Variants in HS6ST3 observed in about 807,000 individuals in gnomAD.
The protein encoded by HS6ST3 is heparan sulfate 6-O-sulfotransferase 3, also known as heparan-sulfate 6-O-sulfotransferase 3.
A neutral mutation model predicts 36.7 loss-of-function variants in HS6ST3; 12 were observed. That is an observed-to-expected ratio of 0.33 (90% CI 0.21 to 0.53). The LOEUF is 0.53. Ranked by LOEUF, HS6ST3 falls within the 20% of genes least tolerant of loss-of-function variation. The pLI, the probability that HS6ST3 is intolerant of heterozygous loss-of-function variation, is 0.95. For synonymous variants in HS6ST3, 240 were observed against 257.5 expected (o/e 0.93, Z 0.65); for missense variants, 584 against 640.9 (o/e 0.91, Z 0.96).
chr13:96,373,218 TA>T (rs1313183220), intron 1 of HS6ST3, among the ~76,000 whole-genome samples: 2 of 152,194 alleles, frequency 1.3e-5, no homozygotes, highest in Non-Finnish European at 2.9e-5. Context: ...GATCCTTGGT[TA>T]TATCTGTAAA....
At chr13:96,318,430 G>A (rs2054986792) in intron 1 of HS6ST3, among the ~76,000 whole-genome samples, 1 of 152,194 alleles carries the variant, frequency 6.6e-6, no homozygotes, top group Admixed American at 6.5e-5. Context: ...TACTTGGGAG[G>A]CTGAGGCAGG....
intron 1 of HS6ST3, among the ~76,000 whole-genome samples, chr13:96,497,444 A>G (rs2055982898): frequency 2.0e-5 from 3 of 152,190 alleles, no homozygotes; most frequent in Admixed American, 2.0e-4. Context: ...TTATTAGTTT[A>G]AAGTACTTCC....
At chr13:96,582,792 A>G (rs1165565749) in intron 1 of HS6ST3, among the ~76,000 whole-genome samples, 1 of 152,144 alleles carries the variant, frequency 6.6e-6, no homozygotes, top group Admixed American at 6.6e-5. Context: ...CTCTATTTAC[A>G]TATGCATATA....
chr13:96,650,267 C>T (rs1488951370), intron 1 of HS6ST3, among the ~76,000 whole-genome samples: 1 of 152,068 alleles, frequency 6.6e-6, no homozygotes, highest in East Asian at 1.9e-4. Flanking sequence ...TGCAGAAGAA[C>T]AGGAATGCCA....
intron 1 of HS6ST3, among the ~76,000 whole-genome samples, chr13:96,649,248 A>G (rs1377759237): frequency 6.6e-6 from 1 of 152,062 alleles, no homozygotes; most frequent in Non-Finnish European, 1.5e-5. Flanking sequence ...GAAACCTACA[A>G]TCATGGCAGA....
chr13:96,477,858 G>A (rs1045430909), intron 1 of HS6ST3, among the ~76,000 whole-genome samples: 4 of 152,100 alleles, frequency 2.6e-5, no homozygotes, highest in Admixed American at 6.6e-5. Context: ...GGGTGACAGA[G>A]TGAGACTCCA....
chr13:96,778,615 A>G (rs1426195526), intron 1 of HS6ST3, among the ~76,000 whole-genome samples: 1 of 152,230 alleles, frequency 6.6e-6, no homozygotes, highest in Admixed American at 6.5e-5. Flanking sequence ...CAAAACCGCA[A>G]TGGCATACCA....
intron 1 of HS6ST3, among the ~76,000 whole-genome samples, chr13:96,781,224 T>C (rs1253920095): frequency 1.3e-5 from 2 of 152,216 alleles, no homozygotes; most frequent in Non-Finnish European, 2.9e-5. Context: ...CCAAGCTAAA[T>C]AGGGCTGCCA....
chr13:96,525,391 C>G (rs1279220598), intron 1 of HS6ST3, among the ~76,000 whole-genome samples: 1 of 152,156 alleles, frequency 6.6e-6, no homozygotes, highest in East Asian at 1.9e-4. Flanking sequence ...TTTCCCTCCC[C>G]TCCCTTCCTA....
At position 96,562,415 on chromosome 13, in the gene HS6ST3, T is replaced by C. The variant is rs181154696; in HGVS notation, c.708-270075T>C. Among the ~76,000 whole-genome samples, 394 of 152,236 alleles carry C rather than the reference T, an allele frequency of 2.6e-3. 1 individual carries two copies. The highest frequency in any genetic ancestry group is 9.0e-3 in the African/African-American group (375 of 41,544). On this transcript the variant is annotated intron_variant, in intron 1 of 1. Transcript: ENST00000376705. ...AGTGTTGAAGAACTGTTGGGTACTA[T>C]GCTCAGTACCTGGGTGACAGGATCA...
chr13:96,830,372 G>T (rs1029950781), intron 1 of HS6ST3, among the ~76,000 whole-genome samples: 3 of 152,200 alleles, frequency 2.0e-5, no homozygotes, highest in Non-Finnish European at 4.4e-5. Flanking sequence ...ATACAGGAAT[G>T]ATACAGGGGA....
chr13:96,620,354 A>G (rs2056489882), intron 1 of HS6ST3, among the ~76,000 whole-genome samples: 1 of 152,210 alleles, frequency 6.6e-6, no homozygotes, highest in Non-Finnish European at 1.5e-5. Flanking sequence ...GGCTACGGTA[A>G]TCTAAAAATG....
At chr13:96,103,732 G>A (rs184862959) in intron 1 of HS6ST3, among the ~76,000 whole-genome samples, 44 of 152,242 alleles carry the variant, frequency 2.9e-4, no homozygotes, top group Non-Finnish European at 4.3e-4. Context: ...ATGTAATTCA[G>A]CTTTTATAGA....
At chr13:96,696,897 G>A (rs1219866093) in intron 1 of HS6ST3, among the ~76,000 whole-genome samples, 3 of 152,008 alleles carry the variant, frequency 2.0e-5, no homozygotes, top group Non-Finnish European at 2.9e-5. Flanking sequence ...TAGTCCACAC[G>A]TACAGACATG....
chr13:96,545,475 C>G (rs2056194405), intron 1 of HS6ST3, among the ~76,000 whole-genome samples: 1 of 152,102 alleles, frequency 6.6e-6, no homozygotes, highest in Non-Finnish European at 1.5e-5. Flanking sequence ...CTGAAGCCCA[C>G]CTTGATGATC....
At chr13:96,805,836 A>T (rs1878185465) in intron 1 of HS6ST3, among the ~76,000 whole-genome samples, 2 of 152,206 alleles carry the variant, frequency 1.3e-5, no homozygotes, top group Non-Finnish European at 2.9e-5. Context: ...GTTAGACAGC[A>T]TTAGAAATGC....
intron 1 of HS6ST3, among the ~76,000 whole-genome samples, chr13:96,555,343 C>T (rs1456750902): frequency 1.3e-5 from 2 of 152,076 alleles, no homozygotes; most frequent in Non-Finnish European, 1.5e-5. Flanking sequence ...CAATGAAAAG[C>T]ATTAGACCTA....
chr13:96,827,290 G>A (rs1253068931), intron 1 of HS6ST3, among the ~76,000 whole-genome samples: 2 of 152,140 alleles, frequency 1.3e-5, no homozygotes, highest in Non-Finnish European at 2.9e-5. Context: ...ATTGAAGGTG[G>A]GGGCATAGGA....
intron 1 of HS6ST3, among the ~76,000 whole-genome samples, chr13:96,136,664 C>A (rs1326289554): frequency 7.1e-6 from 1 of 140,086 alleles, no homozygotes; most frequent in African/African-American, 2.6e-5. Flanking sequence ...TTAAGGTATA[C>A]AGCATGATGT....
Sources: allele counts gnomAD v4.1 joint callset (sites outside exome capture counted in the v4.1 genomes callset), GRCh38; gene constraint gnomAD v4.1.1; transcripts MANE v1.5; gene names NCBI Gene and HGNC (gene_info 2026-07-23, HGNC 2026-07-21).